Variants in LGI3 observed in about 807,000 individuals in gnomAD.
LGI3 encodes leucine rich repeat LGI family member 3, also known as leucine-rich repeat LGI family member 3.
LGI3 carries 47 observed loss-of-function variants against 55.4 expected under a neutral mutation model. The ratio of observed to expected loss-of-function variants is 0.85; its 90% CI spans 0.67 to 1.08. The LOEUF (loss-of-function observed/expected upper bound fraction) is 1.08. Ranked by LOEUF, LGI3 falls within the 50% of genes least tolerant of loss-of-function variation. The pLI is 0.00. For synonymous variants in LGI3, 326 were observed against 315.0 expected (o/e 1.04, Z -0.37); for missense variants, 664 against 726.3 (o/e 0.91, Z 0.99).
At position 22,151,842 on chromosome 8, in the gene LGI3, C is replaced by G. The variant is rs1202438136; in HGVS notation, c.653G>C (p.Cys218Ser). Residue 218 changes from cysteine (C) to serine (S), a missense_variant, in exon 6 of 8, where the codon TGC becomes TCC. By Grantham distance (112) the Cys-to-Ser change is moderately radical (BLOSUM62 -1). Coordinates refer to ENST00000306317, the MANE Select transcript of LGI3 (RefSeq NM_139278.4). The part of the protein sequence containing the change: ...VQDLPLREFD[C>S]ITTDFVLYQT... The stretch of plus-strand genomic sequence containing the variant: ...GGGGCACCTCCTACCTGTGGTGATG[C>G]AATCGAACTCCCGCAGCGGCAGGTC... The G allele has an allele frequency of 6.2e-7, 1 of 1,608,222 alleles. No homozygotes were observed. The highest frequency in any genetic ancestry group is 8.5e-7 in the Non-Finnish European group (1 of 1,176,826).
At chr8:22,155,116 C>G (rs1827470070) in intron 2 of LGI3, 2 of 514,272 alleles carry the variant, frequency 3.9e-6, no homozygotes, top group South Asian at 4.5e-5. Context: ...CTATCGCACC[C>G]AATTCTCTGG....
At chr8:22,155,553 C>T (rs1310842169) in intron 1 of LGI3, 90 bp from the exon 2 acceptor site, 3 of 1,042,898 alleles carry the variant, frequency 2.9e-6, no homozygotes, top group Non-Finnish European at 4.5e-6. Context: ...AGCTTTTGTA[C>T]TCACTTGCCC....
At position 22,151,992 on chromosome 8, in the gene LGI3, C is replaced by G. The variant is rs149227597; in HGVS notation, c.503G>C (p.Arg168Pro). The G allele has an allele frequency of 1.2e-6, 2 of 1,600,160 alleles. No individual in the cohort carries two copies. Among genetic ancestry groups the G allele is most frequent in the Non-Finnish European group, 1.7e-6 (2 of 1,170,598 alleles). ...GCAGTCACAGTTGAGTGAGTTGCCC[C>G]GCAGGTCCCTGCATCATGAGGGCAG... is the stretch of plus-strand genomic sequence containing the variant. The part of the protein sequence containing the change: ...PLDILNDLDL[R>P]GNSLNCDCKV... The change falls in exon 6 of 8, where the codon CGG becomes CCG. Residue 168 changes from arginine (R) to proline (P), a missense_variant. Transcript: ENST00000306317.
At chr8:22,155,588 T>C in intron 1 of LGI3, 125 bp from the exon 2 acceptor site, 1 of 776,740 alleles carries the variant, frequency 1.3e-6, no homozygotes, top group South Asian at 1.5e-5. Context: ...TTCACCTAAT[T>C]TAGCCCCCAT....
In LGI3 at chr8:22,156,647, T is replaced by A; in HGVS notation, c.-105A>T. ...CTGGCACCTCCCTGCCACCGGCAGC[T>A]GCTACCGCAGCCAGGGGCCCGCCTG... On this transcript the variant is annotated 5_prime_UTR_variant, in exon 1 of 8. Coordinates refer to ENST00000306317, the MANE Select transcript of LGI3 (RefSeq NM_139278.4). 1 of 302,568 alleles carries A rather than the reference T, an allele frequency of 3.3e-6. No homozygotes were observed. Among genetic ancestry groups the A allele is most frequent in the Non-Finnish European group, 5.7e-6 (1 of 174,816 alleles). 18.7% of individuals were successfully genotyped at this position (302,568 alleles called of 1,614,324 possible).
In LGI3 at chr8:22,156,549, C is replaced by G; in HGVS notation, c.-7G>C. ...TGGCCCGCAGCCCCGCCATGCTGCC[C>G]GCGATCTCTCCCTGGGGCCGGCGGC... On this transcript the variant is annotated 5_prime_UTR_variant, in exon 1 of 8. Transcript: ENST00000306317. 8.3e-6 allele frequency: 10 copies of G among 1,201,310 alleles called. No homozygotes were observed. Among genetic ancestry groups the G allele is most frequent in the African/African-American group, 1.6e-5 (1 of 62,268 alleles). 74.4% of individuals were successfully genotyped at this position (1,201,310 alleles called of 1,614,324 possible).
rs184939949 is a variant in LGI3 at position 22,154,199 on chromosome 8, T to C, written c.365A>G (p.Asn122Ser). 2 of 1,613,984 alleles carry C rather than the reference T, an allele frequency of 1.2e-6. No homozygotes were observed. Among genetic ancestry groups the C allele is most frequent in the African/African-American group, 1.3e-5 (1 of 74,996 alleles). The change falls in exon 4 of 8, where the codon AAT becomes AGT. Residue 122 changes from asparagine to serine, a missense_variant. By Grantham distance (46) the Asn-to-Ser change is conservative. Coordinates refer to ENST00000306317, the MANE Select transcript of LGI3 (RefSeq NM_139278.4). The part of the protein sequence containing the change: ...SHLQYLFIEN[N>S]DIWALSKFTF... ...GAACTTGGATAGTGCCCAGATGTCATTGTTCTCAATGAAGCTGGGGAAAGC... is the reference window on the plus strand; with the variant it reads ...GAACTTGGATAGTGCCCAGATGTCACTGTTCTCAATGAAGCTGGGGAAAGC...
At chr8:22,151,677 T>C in intron 6 of LGI3, 24 bp from the exon 7 acceptor site, 1 of 1,611,254 alleles carries the variant, frequency 6.2e-7, no homozygotes. Flanking sequence ...GGTGCGTTAC[T>C]GAAGACCAGA....
chr8:22,150,560 G>C (rs373571437), intron 7 of LGI3, among the ~76,000 whole-genome samples: 1 of 151,814 alleles, frequency 6.6e-6, no homozygotes, highest in South Asian at 2.1e-4. Flanking sequence ...GGGTTTCACC[G>C]TGTTAGCCAG....
In LGI3 at chr8:22,155,483, A is replaced by G; in HGVS notation, c.207-20T>C. ...AGGGTCCTGCGGGGACACCCGAGTCAGTACTGTGGGGTCTGCAAGGGCTGT... is the reference window on the plus strand; with the variant it reads ...AGGGTCCTGCGGGGACACCCGAGTCGGTACTGTGGGGTCTGCAAGGGCTGT... On this transcript the variant is annotated intron_variant, in intron 1 of 7. Transcript: ENST00000306317. 6.2e-7 allele frequency: 1 copy of G among 1,610,824 alleles called. No homozygotes were observed. Among genetic ancestry groups the G allele is most frequent in the Non-Finnish European group, 8.5e-7 (1 of 1,177,536 alleles).
At chr8:22,155,203 C>G in intron 2 of LGI3, 189 bp downstream of exon 2, 1 of 617,602 alleles carries the variant, frequency 1.6e-6, no homozygotes, top group South Asian at 1.9e-5. Context: ...TGTCCTCCTG[C>G]TGCCCCGACT....
Position 22,147,902 on chromosome 8 carries a change from G to T in LGI3, c.*258C>A, listed in dbSNP as rs1010344244. ...GAGCATGGGAAAGGCTGCAGAGTAGGGGGGGCCTGCAGTTGGGGTCACGGG... is the reference window on the plus strand; with the variant it reads ...GAGCATGGGAAAGGCTGCAGAGTAGTGGGGGCCTGCAGTTGGGGTCACGGG... On this transcript the variant is annotated 3_prime_UTR_variant, in exon 8 of 8. Transcript: ENST00000306317. 4.1e-6 allele frequency: 2 copies of T among 486,966 alleles called. No homozygotes were observed. Among genetic ancestry groups the T allele is most frequent in the South Asian group, 5.4e-5 (2 of 36,852 alleles). The allele number at this position is 486,966 out of a possible 1,614,324, so 30.2% of individuals were successfully genotyped here.
In LGI3 at chr8:22,146,874, T is replaced by C. The variant is rs1371021591; in HGVS notation, c.*1286A>G. The C allele has an allele frequency of 6.6e-6, 1 of 152,254 alleles. No homozygotes were observed. Among genetic ancestry groups the C allele is most frequent in the Non-Finnish European group, 1.5e-5 (1 of 68,048 alleles). The allele number at this position is 152,254 out of a possible 1,614,324, so 9.4% of individuals were successfully genotyped here. ...TATTTGAAGCAAGTTAATCATAGCA[T>C]TGCCCCCCAGTACCCTGGTATCCTG... On this transcript the variant is annotated 3_prime_UTR_variant, in exon 8 of 8. Transcript: ENST00000306317.
chr8:22,151,807 A>C (rs779916337), intron 6 of LGI3, 24 bp downstream of exon 6: 2 of 1,590,268 alleles, frequency 1.3e-6, no homozygotes, highest in Non-Finnish European at 1.7e-6. Context: ...GTGGACTGAC[A>C]CCCAAGGCAG....
In LGI3 at chr8:22,151,504, A is replaced by T; in HGVS notation, c.814T>A (p.Tyr272Asn). 6.2e-7 allele frequency: 1 copy of T among 1,614,062 alleles called. No homozygotes were observed. Among genetic ancestry groups the T allele is most frequent in the South Asian group, 1.1e-5 (1 of 91,060 alleles). ...GCGCAGGTACCTGGGATTCTATCATAGTCTCGAAGCTGCCGCTCAACATAG... is the reference window on the plus strand; with the variant it reads ...GCGCAGGTACCTGGGATTCTATCATTGTCTCGAAGCTGCCGCTCAACATAG... ...WDYVERQLRD[Y>N]DRIPAPSAVH... Residue 272 changes from tyrosine to asparagine, a missense_variant, in exon 7 of 8, where the codon TAT becomes AAT. By Grantham distance (143) the Tyr-to-Asn change is moderately radical. Coordinates refer to ENST00000306317, the MANE Select transcript of LGI3 (RefSeq NM_139278.4).
chr8:22,154,539 G>A (rs757498994), intron 3 of LGI3, 21 bp downstream of exon 3: 2 of 1,609,678 alleles, frequency 1.2e-6, no homozygotes, highest in South Asian at 1.1e-5. Context: ...CTTTCCCATT[G>A]CCCCTTTCCC....
rs71963174 is a variant in LGI3 at position 22,151,075 on chromosome 8, CAGTAG to C, written c.829+409_829+413del. ...CAGCTTTCAAGACTCAGATCAAACTCAGTAGATCCAAAACTGCTCAACAGTCACTC... is the reference window on the plus strand; with the variant it reads ...CAGCTTTCAAGACTCAGATCAAACTCATCCAAAACTGCTCAACAGTCACTC... On this transcript the variant is annotated intron_variant, in intron 7 of 7. Transcript: ENST00000306317. Among the ~76,000 whole-genome samples the C allele has an allele frequency of 6.2e-3, 944 of 152,288 alleles. 13 individuals carry two copies. The highest frequency in any genetic ancestry group is 0.022 in the African/African-American group (909 of 41,554).
intron 3 of LGI3, 54 bp downstream of exon 3, chr8:22,154,506 G>C: frequency 6.6e-7 from 1 of 1,525,384 alleles, no homozygotes; most frequent in Admixed American, 1.7e-5. Context: ...GGCCTCCCAG[G>C]CCTGGGGTCC....
intron 7 of LGI3, among the ~76,000 whole-genome samples, chr8:22,149,797 AGCCTCAGGCTCTGGCAGTCACT>A (rs777508873): frequency 1.2e-4 from 18 of 151,998 alleles, no homozygotes; most frequent in Non-Finnish European, 2.2e-4. Context: ...ATTTATGCAG[AGCCTCAGGCTCTGGCAGTCACT>A]GCCTAAATAC....
Sources: allele counts gnomAD v4.1 joint callset (sites outside exome capture counted in the v4.1 genomes callset), GRCh38; gene constraint gnomAD v4.1.1; transcripts MANE v1.5; gene names NCBI Gene and HGNC (gene_info 2026-07-23, HGNC 2026-07-21).